VAT1L: variants seen among roughly 807,000 people sequenced by gnomAD.
The protein encoded by VAT1L is vesicle amine transport 1 like.
A neutral mutation model predicts 44.1 loss-of-function variants in VAT1L; 34 were observed. The ratio of observed to expected loss-of-function variants is 0.77; its 90% CI spans 0.59 to 1.03. The LOEUF (loss-of-function observed/expected upper bound fraction) is 1.03, where lower values mean the gene tolerates loss of function less well. VAT1L is among the 50% of genes least tolerant of loss of function. VAT1L has a pLI of 0.00. For missense variants in VAT1L, 615 were observed against 538.8 expected (o/e 1.14, Z -1.40); for synonymous variants, 253 against 202.2 (o/e 1.25, Z -2.13).
intron 7 of VAT1L, among the ~76,000 whole-genome samples, chr16:77,923,503 C>T (rs1238931623): frequency 6.6e-6 from 1 of 152,166 alleles, no homozygotes; most frequent in African/African-American, 2.4e-5. Context: ...GTCTTAAAAT[C>T]TTGGTCCCTG....
intron 3 of VAT1L, among the ~76,000 whole-genome samples, chr16:77,838,440 CTGAT>C (rs1390173547): frequency 6.6e-6 from 1 of 152,194 alleles, no homozygotes; most frequent in African/African-American, 2.4e-5. Context: ...ACTGGTCACT[CTGAT>C]TGTGTTCATT....
intron 1 of VAT1L, among the ~76,000 whole-genome samples, chr16:77,790,973 C>T (rs1276139437): frequency 6.6e-6 from 1 of 152,170 alleles, no homozygotes. Context: ...ACTGCACTTC[C>T]CCGACCCTAG....
chr16:77,878,302 C>G (rs989897163), intron 5 of VAT1L, among the ~76,000 whole-genome samples: 6 of 152,140 alleles, frequency 3.9e-5, no homozygotes, highest in Admixed American at 3.9e-4. Context: ...CTAGTTTACC[C>G]AGGCTAAATA....
chr16:77,859,358 A>G lies in VAT1L; in HGVS notation c.580-3390A>G, dbSNP rs562087232. 3.3e-5 allele frequency among the ~76,000 whole-genome samples: 5 copies of G among 152,252 alleles called. No homozygotes were observed. In the East Asian group the frequency reaches 9.7e-4, roughly 29 times the overall value. On this transcript the variant is annotated intron_variant, in intron 3 of 8. Transcript: ENST00000302536. Reference sequence around the variant, plus strand: ...GAATGCCAGGGTTGAGGGCTGCACAATGCCATGCTCATGGCAAATGCTAAC... The same window carrying G: ...GAATGCCAGGGTTGAGGGCTGCACAGTGCCATGCTCATGGCAAATGCTAAC...
intron 7 of VAT1L, among the ~76,000 whole-genome samples, chr16:77,919,675 C>T (rs995497521): frequency 6.6e-6 from 1 of 152,180 alleles, no homozygotes; most frequent in African/African-American, 2.4e-5. Context: ...AAATATCCCT[C>T]GCTTTCTAAA....
chr16:77,836,771 A>G (rs2016643594), intron 3 of VAT1L, among the ~76,000 whole-genome samples: 1 of 152,216 alleles, frequency 6.6e-6, no homozygotes, highest in African/African-American at 2.4e-5. Context: ...AATTGTTTTT[A>G]TCTCCTTGAC....
intron 1 of VAT1L, among the ~76,000 whole-genome samples, chr16:77,802,096 A>G (rs528313917): frequency 1.3e-5 from 2 of 152,070 alleles, no homozygotes; most frequent in Non-Finnish European, 2.9e-5. Context: ...GGCAAAGGCA[A>G]TTTTCACCCT....
At chr16:77,910,918 C>T (rs1302623423) in intron 7 of VAT1L, among the ~76,000 whole-genome samples, 1 of 152,154 alleles carries the variant, frequency 6.6e-6, no homozygotes, top group Non-Finnish European at 1.5e-5. Context: ...GATGCAATTG[C>T]TATCCCCATT....
At chr16:77,864,937 T>TTCCATA (rs1394258748) in intron 4 of VAT1L, among the ~76,000 whole-genome samples, 3 of 151,744 alleles carry the variant, frequency 2.0e-5, no homozygotes, top group Non-Finnish European at 4.4e-5. Flanking sequence ...ATTTGCCCAG[T>TTCCATA]TCCATAGCTC....
chr16:77,861,227 C>T (rs958206436), intron 3 of VAT1L, among the ~76,000 whole-genome samples: 1 of 152,146 alleles, frequency 6.6e-6, no homozygotes, highest in African/African-American at 2.4e-5. Context: ...TCACAGATGA[C>T]GCTGGTAGAA....
At chr16:77,906,426 T>C (rs1033312648) in intron 7 of VAT1L, among the ~76,000 whole-genome samples, 1 of 152,192 alleles carries the variant, frequency 6.6e-6, no homozygotes, top group Non-Finnish European at 1.5e-5. Context: ...AGGACAGTCA[T>C]ACGATTGATG....
chr16:77,875,436 G>T (rs1475355320), intron 4 of VAT1L, among the ~76,000 whole-genome samples: 1 of 152,152 alleles, frequency 6.6e-6, no homozygotes, highest in Non-Finnish European at 1.5e-5. Flanking sequence ...CAAACACAAG[G>T]AATGCCATTC....
intron 3 of VAT1L, among the ~76,000 whole-genome samples, chr16:77,828,531 C>T (rs142983950): frequency 0.015 from 2,296 of 152,242 alleles, 64 homozygotes; most frequent in African/African-American, 0.053. Flanking sequence ...GGCATGGTGG[C>T]GCATGCCTGT....
At chr16:77,888,979 C>T (rs1471209415) in intron 7 of VAT1L, among the ~76,000 whole-genome samples, 2 of 152,242 alleles carry the variant, frequency 1.3e-5, no homozygotes, top group African/African-American at 2.4e-5. Flanking sequence ...GCAATATCTA[C>T]AGACATCTGT....
chr16:77,853,261 G>A (rs1216887927), intron 3 of VAT1L, among the ~76,000 whole-genome samples: 6 of 152,160 alleles, frequency 3.9e-5, no homozygotes, highest in Non-Finnish European at 1.5e-5. Context: ...AGAAGACTGT[G>A]TTGGTCATGC....
chr16:77,909,367 T>C (rs1035093632), intron 7 of VAT1L, among the ~76,000 whole-genome samples: 3 of 152,170 alleles, frequency 2.0e-5, no homozygotes, highest in Non-Finnish European at 4.4e-5. Flanking sequence ...GCAGGTGCAG[T>C]GGCTCATGCC....
intron 4 of VAT1L, among the ~76,000 whole-genome samples, chr16:77,872,745 C>T (rs1470604316): frequency 6.6e-6 from 1 of 152,218 alleles, no homozygotes; most frequent in Non-Finnish European, 1.5e-5. Flanking sequence ...GCAGTGATCA[C>T]TCTGTGTTTG....
At chr16:77,855,862 A>G (rs144392737) in intron 3 of VAT1L, among the ~76,000 whole-genome samples, 367 of 152,276 alleles carry the variant, frequency 2.4e-3, no homozygotes, top group Middle Eastern at 6.8e-3. Flanking sequence ...TACTAAAAAT[A>G]CAAAAATTAG....
chr16:77,813,834 T>C (rs926747303), intron 1 of VAT1L, among the ~76,000 whole-genome samples: 1 of 152,220 alleles, frequency 6.6e-6, no homozygotes, highest in Non-Finnish European at 1.5e-5. Flanking sequence ...AGATTATGAA[T>C]GGCCACTCCT....
Sources: gnomAD v4.1 joint callset for allele counts (sites outside exome capture counted in the v4.1 genomes callset) on GRCh38, gnomAD v4.1.1 for gene constraint, MANE v1.5 for transcripts, NCBI Gene and HGNC (gene_info 2026-07-23, HGNC 2026-07-21) for gene names.